The following KIAA1210 variants were observed in gnomAD, a reference collection of about 807,000 sequenced individuals.
The protein encoded by KIAA1210 is KIAA1210, also known as acrosomal protein KIAA1210.
A neutral mutation model predicts 78.9 loss-of-function variants in KIAA1210; 48 were observed. The ratio of observed to expected loss-of-function variants is 0.61; its 90% CI spans 0.48 to 0.77. The LOEUF is 0.77. Ranked by LOEUF, KIAA1210 falls within the 30% of genes least tolerant of loss-of-function variation. The pLI is 0.00. For synonymous variants in KIAA1210, 406 were observed against 404.5 expected, an observed-to-expected ratio of 1.00 and a Z score of -0.04; for missense variants, 1,108 against 1,100.0, an observed-to-expected ratio of 1.01 and a Z score of -0.10.
rs5910513 is a variant in KIAA1210, at chrX:119,119,707, T to G, written c.62-3043A>C. On this transcript the variant is annotated intron_variant, in intron 2 of 11. Coordinates refer to ENST00000691062, the MANE Select transcript of KIAA1210 (RefSeq NM_001394962.1). The stretch of plus-strand genomic sequence containing the variant: ...TGAAAATAAAAAAGGCCGGGCGCGG[T>G]GGCTCACGCCTGTAATCCCAGCACT... Among the ~76,000 whole-genome samples, 1,072 of 111,093 alleles carry G rather than the reference T, an allele frequency of 9.6e-3. 20 individuals are homozygous for G. The highest frequency in any genetic ancestry group is 0.034 in the African/African-American group (1,033 of 30,575).
Position 119,086,711 on chromosome X carries a change from G to A in KIAA1210, c.3991C>T (p.Pro1331Ser), listed in dbSNP as rs755886901. 1 of 1,209,352 alleles carries A rather than the reference G, an allele frequency of 8.3e-7. No homozygotes were observed. The highest frequency in any genetic ancestry group is 1.1e-6 in the Non-Finnish European group (1 of 895,033). Residue 1331 changes from proline to serine, a missense_variant, in exon 9 of 12, where the codon CCA becomes TCA. By Grantham distance (74) the Pro-to-Ser change is moderately conservative. Transcript: ENST00000691062. ...CCCCTGCCTACAGAGGATGAAATTGGGCCCGAGGGCACTGAAGCAAGCTGG... is the reference window on the plus strand; with the variant it reads ...CCCCTGCCTACAGAGGATGAAATTGAGCCCGAGGGCACTGAAGCAAGCTGG... The part of the protein sequence containing the change: ...FTQLASVPSG[P>S]ISSSVGRGHK...
chrX:119,116,375 C>T, intron 3 of KIAA1210, 121 bp downstream of exon 3: 1 of 686,204 alleles, frequency 1.5e-6, no homozygotes, highest in Non-Finnish European at 2.2e-6. Flanking sequence ...TGGCTGCAAG[C>T]CTGGCCCCCA....
chrX:119,089,822 C>T (rs773111921), intron 8 of KIAA1210, 76 bp from the exon 9 acceptor site: 3 of 942,214 alleles, frequency 3.2e-6, no homozygotes, highest in Non-Finnish European at 2.9e-6. Flanking sequence ...TGTGCCCTGG[C>T]CCAGTGGTAC....
intron 1 of KIAA1210, among the ~76,000 whole-genome samples, chrX:119,125,105 T>C (rs1222070867): frequency 9.0e-6 from 1 of 111,399 alleles, no homozygotes; most frequent in African/African-American, 3.3e-5. Flanking sequence ...TAATCACATA[T>C]GAAGAGGCTC....
intron 2 of KIAA1210, among the ~76,000 whole-genome samples, chrX:119,142,935 C>T (rs956771063): frequency 4.5e-5 from 5 of 111,330 alleles, no homozygotes; most frequent in Admixed American, 9.5e-5. Context: ...GACCCACACA[C>T]CTCCCACTAG....
upstream of KIAA1210, among the ~76,000 whole-genome samples, chrX:119,130,767 C>T (rs971467367): frequency 2.7e-5 from 3 of 112,221 alleles, no homozygotes; most frequent in Non-Finnish European, 5.6e-5. Flanking sequence ...GAGAGGCTTT[C>T]GGAACCACTT....
chrX:119,143,090 C>G (rs915136853), intron 2 of KIAA1210, among the ~76,000 whole-genome samples: 2 of 112,438 alleles, frequency 1.8e-5, no homozygotes, highest in Non-Finnish European at 3.8e-5. Flanking sequence ...ATTGGTATTA[C>G]TCTGTCTTCT....
chrX:119,092,800 T>A (rs781057860), intron 8 of KIAA1210, among the ~76,000 whole-genome samples: 20 of 107,272 alleles, frequency 1.9e-4, no homozygotes, highest in African/African-American at 5.1e-4. Context: ...AATAAATAAA[T>A]AAAAATAAAG....
At position 119,123,595 on chromosome X, in the gene KIAA1210, C is replaced by T. The variant is rs770775235; in HGVS notation, c.48G>A (p.Glu16=). 1 of 1,200,103 alleles carries T rather than the reference C, an allele frequency of 8.3e-7. No homozygotes were observed. Among genetic ancestry groups the T allele is most frequent in the South Asian group, 1.8e-5 (1 of 55,757 alleles). ...SEISDSLDVL[E]AGDEGKKKCK... ...TGGGTTACTTACCCTCATCACCGGC[C>T]TCCAGAACATCCAGACTGTCAGAAA... The change falls in exon 2 of 12, where the codon GAG becomes GAA. Residue 16 remains glutamate, a synonymous_variant. Transcript: ENST00000691062.
intron 3 of KIAA1210, among the ~76,000 whole-genome samples, chrX:119,116,137 C>G (rs1928253778): frequency 8.9e-6 from 1 of 112,146 alleles, no homozygotes; most frequent in African/African-American, 3.2e-5. Context: ...CCAGATCAAA[C>G]AGGCCTTCAG....
intron 8 of KIAA1210, among the ~76,000 whole-genome samples, 171 bp downstream of exon 8, chrX:119,093,496 G>A (rs1026056093): frequency 6.2e-5 from 7 of 112,051 alleles, no homozygotes; most frequent in African/African-American, 1.9e-4. Flanking sequence ...TATTACTTTG[G>A]CAGTTTAGAT....
At chrX:119,090,736 G>T (rs1927343232) in intron 8 of KIAA1210, among the ~76,000 whole-genome samples, 1 of 111,016 alleles carries the variant, frequency 9.0e-6, no homozygotes, top group Non-Finnish European at 1.9e-5. Context: ...CTCCCACTTG[G>T]AAAGACAAAT....
chrX:119,133,781 G>A (rs1928850986), intron 2 of KIAA1210, among the ~76,000 whole-genome samples: 1 of 108,822 alleles, frequency 9.2e-6, no homozygotes, highest in Admixed American at 9.8e-5. Flanking sequence ...AGCCCTGGGT[G>A]GGTATCTACC....
chrX:119,096,523 G>A lies in KIAA1210; in HGVS notation c.817C>T (p.Arg273Cys), dbSNP rs757115042. Residue 273 changes from arginine to cysteine, a missense_variant, in exon 7 of 12, where the codon CGC (arginine) becomes TGC (cysteine). Physicochemically the swap from Arg to Cys is radical, Grantham distance 180. Transcript: ENST00000691062. ...ACTTGAAGGTTCTTCTTTTGTTTGC[G>A]GGGATTTAAAGTCATTTTGTGGCGA... Reference protein sequence around the residue: ...AARHKMTLNPRKQKKNLQVIV... With the variant: ...AARHKMTLNPCKQKKNLQVIV... 19 of 1,208,213 alleles carry A rather than the reference G, an allele frequency of 1.6e-5. No homozygotes were observed. Among genetic ancestry groups the A allele is most frequent in the Middle Eastern group, 2.3e-4 (1 of 4,364 alleles).
intron 1 of KIAA1210, among the ~76,000 whole-genome samples, chrX:119,126,088 T>C (rs2147192319): frequency 9.2e-6 from 1 of 109,102 alleles, no homozygotes; most frequent in South Asian, 4.1e-4. Context: ...GGAATCCCCT[T>C]GCCACTCCAG....
intron 8 of KIAA1210, among the ~76,000 whole-genome samples, chrX:119,092,792 TAAATAAATAA>T (rs1188386251): frequency 4.6e-5 from 5 of 107,669 alleles, no homozygotes; most frequent in African/African-American, 1.7e-4. Flanking sequence ...AATAAATAAA[TAAATAAATAA>T]AAATAAAGCT....
chrX:119,150,866 C>T (rs1488823745), upstream of KIAA1210, among the ~76,000 whole-genome samples: 1 of 112,756 alleles, frequency 8.9e-6, no homozygotes. Context: ...CCCTGCAAGG[C>T]CGGCTGGCGT....
In KIAA1210 at chrX:119,089,659, C is replaced by T. The variant is rs762677654; in HGVS notation, c.1043G>A (p.Ser348Asn). The change falls in exon 9 of 12, where the codon AGT (serine) becomes AAT (asparagine). Residue 348 changes from serine to asparagine, a missense_variant. Ser to Asn is a conservative substitution (Grantham distance 46). Around this residue, in one of 5 missense-constraint regions of KIAA1210, gnomAD observed 672 missense variants for 607.1 expected, o/e 1.11. Transcript: ENST00000691062. ...DQAPNTDASR[S>N]QGYPMSAAYG... ...TGCTGCTGACATTGGATAGCCCTGA[C>T]TCCGAGAAGCATCAGTGTTTGGAGC... 1 of 1,209,649 alleles carries T rather than the reference C, an allele frequency of 8.3e-7. No individual in the cohort carries two copies. The highest frequency in any genetic ancestry group is 1.8e-5 in the African/African-American group (1 of 57,138).
chrX:119,108,181 A>G (rs1927947613), intron 5 of KIAA1210, among the ~76,000 whole-genome samples, 156 bp downstream of exon 5: 1 of 111,762 alleles, frequency 8.9e-6, no homozygotes, highest in African/African-American at 3.3e-5. Flanking sequence ...GTAGATGTTA[A>G]TATTATACCC....
Sources: allele counts gnomAD v4.1 joint callset (sites outside exome capture counted in the v4.1 genomes callset), GRCh38; gene constraint gnomAD v4.1.1; regional missense constraint gnomAD v4.1.1; transcripts MANE v1.5; gene names NCBI Gene and HGNC (gene_info 2026-07-23, HGNC 2026-07-21).